The following MMP26 variants were observed in gnomAD, a reference collection of about 807,000 sequenced individuals.
MMP26 encodes the protein matrix metalloproteinase-26.
A neutral mutation model predicts 31.0 loss-of-function variants in MMP26; 33 were observed. That is an observed-to-expected ratio of 1.06 (90% CI 0.81 to 1.42). MMP26 has a LOEUF of 1.42. Ranked by LOEUF, MMP26 falls within the 40% of genes most tolerant of loss-of-function variation. The probability of loss-of-function intolerance (pLI) is 0.00; values close to 1 mark genes in which losing one functional copy is unlikely to be tolerated. For synonymous variants in MMP26, 122 were observed against 114.9 expected (o/e 1.06, Z -0.40); for missense variants, 347 against 316.1 (o/e 1.10, Z -0.74).
At chr11:4,834,774 A>G (rs1849693129) in intron 2 of MMP26, among the ~76,000 whole-genome samples, 1 of 152,172 alleles carries the variant, frequency 6.6e-6, no homozygotes. Flanking sequence ...TAAATTAAGA[A>G]CATAATTATT....
chr11:4,768,895 G>T (rs1245510192), intron 2 of MMP26: 1 of 744,594 alleles, frequency 1.3e-6, no homozygotes, highest in Non-Finnish European at 2.1e-6. Flanking sequence ...AAACCCACAT[G>T]CAATAGGCAG....
Position 4,955,024 on chromosome 11 carries a change from T to C in MMP26, c.-144-33044T>C, listed in dbSNP as rs779214824. The C allele has an allele frequency of 9.8e-6, 14 of 1,433,386 alleles. 3 individuals are homozygous for C. The highest frequency in any genetic ancestry group is 1.3e-5 in the Non-Finnish European group (14 of 1,047,572). 88.8% of individuals were successfully genotyped at this position (1,433,386 alleles called of 1,614,324 possible). A position where few individuals can be genotyped will look rare whatever the true frequency, so the allele number is the denominator to read the frequency against. ...GAGCCTTAAGCTCCTCCTTTTTGGA[T>C]GCAATTCCCGGTACAGTCTTGAGGA... is the stretch of plus-strand genomic sequence containing the variant. On this transcript the variant is annotated intron_variant, in intron 2 of 7. Transcript: ENST00000380390.
rs143498885 is a variant in MMP26, at chr11:4,734,340, T to G, written c.-217+29295T>G. ...TTACTAATTCACTTGTATCAAATAATTAACTTTGTTTTGTTGACTGTTGTT... is the reference window on the plus strand; with the variant it reads ...TTACTAATTCACTTGTATCAAATAAGTAACTTTGTTTTGTTGACTGTTGTT... On this transcript the variant is annotated intron_variant, in intron 1 of 7. Coordinates refer to ENST00000380390, the MANE Select transcript of MMP26 (RefSeq NM_021801.5). Among the ~76,000 whole-genome samples the G allele has an allele frequency of 5.0e-3, 756 of 152,306 alleles. 16 individuals carry two copies. Among genetic ancestry groups the G allele is most frequent in the African/African-American group, 0.017 (713 of 41,578 alleles).
At chr11:4,972,103 A>G (rs1309178758) in intron 2 of MMP26, among the ~76,000 whole-genome samples, 2 of 152,240 alleles carry the variant, frequency 1.3e-5, no homozygotes, top group African/African-American at 2.4e-5. Context: ...TCAGCAAGCC[A>G]GAATTATCAC....
intron 2 of MMP26, chr11:4,915,443 A>C (rs1259170915): frequency 6.2e-7 from 1 of 1,614,126 alleles, no homozygotes; most frequent in Admixed American, 1.7e-5. Flanking sequence ...ACCCAGGTCA[A>C]TCAGAGCCAG....
At chr11:4,745,927 G>T (rs962454084) in intron 1 of MMP26, among the ~76,000 whole-genome samples, 2 of 152,102 alleles carry the variant, frequency 1.3e-5, no homozygotes, top group Non-Finnish European at 2.9e-5. Flanking sequence ...GTCTTTTCAT[G>T]GCTTGATAGC....
At chr11:4,944,758 T>G (rs1846268609) in intron 2 of MMP26, 1 of 152,072 alleles carries the variant, frequency 6.6e-6, no homozygotes. Context: ...AGGCAATAAA[T>G]TTGTCTTTAA....
At chr11:4,955,026 C>G in intron 2 of MMP26, 1 of 1,437,842 alleles carries the variant, frequency 7.0e-7, no homozygotes, top group Non-Finnish European at 9.5e-7. Flanking sequence ...TTTTTGGATG[C>G]AATTCCCGGT....
At chr11:4,850,720 A>T (rs1849963588) in intron 2 of MMP26, among the ~76,000 whole-genome samples, 1 of 151,900 alleles carries the variant, frequency 6.6e-6, no homozygotes, top group Non-Finnish European at 1.5e-5. Context: ...TATTATGTTA[A>T]AATTTTAAAT....
At chr11:4,908,682 G>A (rs1850945254) in intron 2 of MMP26, 4 of 273,366 alleles carry the variant, frequency 1.5e-5, no homozygotes, top group African/African-American at 4.4e-5. Flanking sequence ...GTCAAGGAAA[G>A]GTAAAATAGC....
chr11:4,742,632 C>T (rs911741993), intron 1 of MMP26, among the ~76,000 whole-genome samples: 4 of 152,030 alleles, frequency 2.6e-5, no homozygotes, highest in African/African-American at 7.2e-5. Context: ...TCAGTTGGTT[C>T]TCTTTTCTTG....
intron 2 of MMP26, chr11:4,907,466 CT>C (rs1328073449): frequency 7.4e-6 from 12 of 1,613,936 alleles, no homozygotes; most frequent in Non-Finnish European, 8.5e-6. Flanking sequence ...CCCCATTTGC[CT>C]CATGTACCTG....
At chr11:4,901,295 G>T (rs1156800570) in intron 2 of MMP26, among the ~76,000 whole-genome samples, 1 of 151,786 alleles carries the variant, frequency 6.6e-6, no homozygotes, top group Non-Finnish European at 1.5e-5. Flanking sequence ...GAGTAGCTGA[G>T]ACTACAGGTG....
At chr11:4,808,810 A>G (rs1849312577) in intron 2 of MMP26, among the ~76,000 whole-genome samples, 1 of 149,518 alleles carries the variant, frequency 6.7e-6, no homozygotes, top group African/African-American at 2.5e-5. Context: ...CCTGGTATCC[A>G]AGACTGAATT....
intron 2 of MMP26, chr11:4,915,039 C>A: frequency 6.2e-7 from 1 of 1,613,958 alleles, no homozygotes; most frequent in Non-Finnish European, 8.5e-7. Flanking sequence ...ACTGTAGAGA[C>A]GATGACAAAC....
intron 2 of MMP26, among the ~76,000 whole-genome samples, chr11:4,824,208 A>T (rs574136038): frequency 1.3e-5 from 2 of 152,178 alleles, no homozygotes; most frequent in East Asian, 3.9e-4. Flanking sequence ...AGGGATCATG[A>T]CTTCCCATCA....
chr11:4,740,681 C>CAAA (rs761691284), intron 1 of MMP26, among the ~76,000 whole-genome samples: 12 of 90,404 alleles, frequency 1.3e-4, no homozygotes, highest in African/African-American at 3.4e-4. Flanking sequence ...GAGACTCTGT[C>CAAA]AAAAAAAAAA....
At chr11:4,744,253 G>T (rs1334582109) in intron 1 of MMP26, among the ~76,000 whole-genome samples, 41 of 152,092 alleles carry the variant, frequency 2.7e-4, no homozygotes, top group Non-Finnish European at 4.4e-5. Context: ...CAGAATGAAG[G>T]TTCAGCACAT....
chr11:4,986,890 C>A (rs183661726), intron 2 of MMP26, among the ~76,000 whole-genome samples: 25 of 106,958 alleles, frequency 2.3e-4, no homozygotes, highest in East Asian at 1.9e-3. Context: ...TCTGTGACTT[C>A]CTTCCTTCCT....
Sources: allele counts gnomAD v4.1 joint callset (sites outside exome capture counted in the v4.1 genomes callset), GRCh38; gene constraint gnomAD v4.1.1; transcripts MANE v1.5; gene names NCBI Gene and HGNC (gene_info 2026-07-23, HGNC 2026-07-21).